Variants in LYN observed in about 807,000 individuals in gnomAD.
The protein encoded by LYN is tyrosine-protein kinase Lyn.
A neutral mutation model predicts 65.0 loss-of-function variants in LYN; 12 were observed. The ratio of observed to expected loss-of-function variants is 0.18; its 90% confidence interval spans 0.12 to 0.30. The LOEUF (loss-of-function observed/expected upper bound fraction) is 0.30, where lower values mean the gene tolerates loss of function less well. Ranked by LOEUF, LYN falls within the 10% of genes least tolerant of loss-of-function variation. LYN has a pLI of 1.00. For missense variants in LYN, 380 were observed against 623.2 expected, an observed-to-expected ratio of 0.61 and a Z score of 4.16; for synonymous variants, 222 against 221.2, an observed-to-expected ratio of 1.00 and a Z score of -0.03.
intron 12 of LYN, among the ~76,000 whole-genome samples, chr8:56,003,816 A>G (rs2130593645): frequency 6.6e-6 from 1 of 152,128 alleles, no homozygotes; most frequent in South Asian, 2.1e-4. Flanking sequence ...AAGATAATAT[A>G]CTGAAATGTT....
intron 12 of LYN, among the ~76,000 whole-genome samples, chr8:56,005,866 T>A (rs1453100078): frequency 4.6e-5 from 7 of 152,162 alleles, no homozygotes; most frequent in Admixed American, 3.9e-4. Flanking sequence ...GGTGGATTGC[T>A]TGAGGCCAGG....
chr8:55,885,532 G>C (rs1804768182), intron 1 of LYN, among the ~76,000 whole-genome samples: 1 of 152,106 alleles, frequency 6.6e-6, no homozygotes. Context: ...TGGTCTTTGG[G>C]CCTACCCTTG....
chr8:55,936,958 G>C (rs66726290), intron 1 of LYN, among the ~76,000 whole-genome samples: 22,098 of 152,134 alleles, frequency 0.15, 1,764 homozygotes, highest in Middle Eastern at 0.29. Context: ...AGGCACATAC[G>C]TGTTTATCCC....
intron 3 of LYN, 68 bp from the exon 4 acceptor site, chr8:55,947,550 C>T (rs1806814828): frequency 2.8e-6 from 3 of 1,078,816 alleles, no homozygotes; most frequent in Non-Finnish European, 1.4e-6. Context: ...TCCTTTGTGC[C>T]CCATGAGGTT....
intron 10 of LYN, among the ~76,000 whole-genome samples, chr8:55,984,751 A>G (rs1197091666): frequency 6.6e-6 from 1 of 152,238 alleles, no homozygotes; most frequent in Admixed American, 6.5e-5. Context: ...CCTCACTCTC[A>G]GCCCTCCAGT....
chr8:55,986,367 A>G (rs1808073280), intron 10 of LYN, among the ~76,000 whole-genome samples: 2 of 152,192 alleles, frequency 1.3e-5, no homozygotes, highest in Admixed American at 1.3e-4. Context: ...GATAATATCT[A>G]TCTTCGGGGT....
At chr8:55,889,184 T>A (rs1804884872) in intron 1 of LYN, among the ~76,000 whole-genome samples, 1 of 152,066 alleles carries the variant, frequency 6.6e-6, no homozygotes, top group Non-Finnish European at 1.5e-5. Context: ...CTGCGTAATT[T>A]TTTTGTTTTT....
intron 12 of LYN, among the ~76,000 whole-genome samples, chr8:56,001,948 C>A (rs1050770678): frequency 3.3e-5 from 5 of 151,962 alleles, no homozygotes; most frequent in Admixed American, 2.0e-4. Context: ...TGCACAATGC[C>A]CAGGATTTGG....
Position 55,994,106 on chromosome 8 carries a change from G to A in LYN, c.1051-4240G>A, listed in dbSNP as rs190668613. ...ATAGAGCTGGATTTACTTAGCCGTA[G>A]TAAATAGACCACCTTCAACAACAAC... On this transcript the variant is annotated intron_variant, in intron 10 of 12. Transcript: ENST00000519728. Among the ~76,000 whole-genome samples the A allele has an allele frequency of 8.0e-4, 122 of 152,230 alleles. 1 individual carries two copies. The highest frequency in any genetic ancestry group is 2.7e-3 in the African/African-American group (113 of 41,546).
intron 8 of LYN, among the ~76,000 whole-genome samples, chr8:55,959,657 A>G (rs10088996): frequency 0.01 from 1,569 of 152,294 alleles, 34 homozygotes; most frequent in African/African-American, 0.036. Context: ...GTGAGAAATA[A>G]TACAAAAAGG....
chr8:55,947,227 C>T (rs924293021), intron 3 of LYN, among the ~76,000 whole-genome samples: 9 of 152,158 alleles, frequency 5.9e-5, no homozygotes, highest in East Asian at 1.9e-4. Context: ...CCAGTCTGGG[C>T]GACAAGAGCG....
intron 6 of LYN, 81 bp from the exon 7 acceptor site, chr8:55,951,885 C>T (rs565297849): frequency 8.9e-7 from 1 of 1,120,172 alleles, no homozygotes; most frequent in African/African-American, 1.6e-5. Flanking sequence ...ATTTGTATCA[C>T]AAAATGTGTA....
rs192826625 is a variant in LYN at position 55,979,981 on chromosome 8, A to T, written c.1050+10188A>T. Among the ~76,000 whole-genome samples the T allele has an allele frequency of 3.9e-5, 6 of 152,300 alleles. No individual in the cohort carries two copies. The South Asian group carries it at 6.2e-4, about 16-fold the overall frequency. ...CTTGGAGATGAGGCCTGCAGCTGAC[A>T]GCCCTCCAGAGGCCCTGCCCCAGTA... is the stretch of plus-strand genomic sequence containing the variant. On this transcript the variant is annotated intron_variant, in intron 10 of 12. Transcript: ENST00000519728.
chr8:56,010,125 C>T lies in LYN; in HGVS notation c.*15C>T, dbSNP rs781350103. 5.6e-6 allele frequency: 9 copies of T among 1,613,276 alleles called. No homozygotes were observed. Among genetic ancestry groups the T allele is most frequent in the African/African-American group, 5.3e-5 (4 of 74,914 alleles). On this transcript the variant is annotated 3_prime_UTR_variant, in exon 13 of 13. Coordinates refer to ENST00000519728, the MANE Select transcript of LYN (RefSeq NM_002350.4). ...AGCAGCCTTAGAGCACAGGGAGACC[C>T]GTCCATTTGGCAGGGGTGGCTGCCT... is the stretch of plus-strand genomic sequence containing the variant.
At chr8:55,972,271 T>C (rs1807630694) in intron 10 of LYN, among the ~76,000 whole-genome samples, 1 of 152,270 alleles carries the variant, frequency 6.6e-6, no homozygotes, top group African/African-American at 2.4e-5. Flanking sequence ...ACTGGCTCCA[T>C]TTGAGTTCAT....
chr8:55,947,245 G>A (rs181089953), intron 3 of LYN, among the ~76,000 whole-genome samples: 19 of 152,350 alleles, frequency 1.2e-4, no homozygotes, highest in African/African-American at 2.6e-4. Flanking sequence ...GCGAGACTCC[G>A]TCTCAAAAGA....
intron 4 of LYN, among the ~76,000 whole-genome samples, chr8:55,949,386 T>TC (rs1053937467): frequency 2.0e-5 from 3 of 152,334 alleles, no homozygotes; most frequent in Admixed American, 2.0e-4. Flanking sequence ...AAGGCTGTTT[T>TC]CCTTTGCTTC....
At chr8:55,943,352 G>A (rs1806682023) in intron 2 of LYN, among the ~76,000 whole-genome samples, 1 of 152,066 alleles carries the variant, frequency 6.6e-6, no homozygotes, top group Non-Finnish European at 1.5e-5. Flanking sequence ...TGTACTTTGG[G>A]AGGTCACAAG....
intron 1 of LYN, among the ~76,000 whole-genome samples, chr8:55,891,301 G>A (rs1157340657): frequency 1.3e-5 from 2 of 150,302 alleles, no homozygotes; most frequent in Non-Finnish European, 3.0e-5. Flanking sequence ...GCAGTGAGTC[G>A]AGATCCCGCG....
Sources: gnomAD v4.1 joint callset for allele counts (sites outside exome capture counted in the v4.1 genomes callset) on GRCh38, gnomAD v4.1.1 for gene constraint, MANE v1.5 for transcripts, NCBI Gene and HGNC (gene_info 2026-07-23, HGNC 2026-07-21) for gene names.